The following PIK3C2G variants were observed in gnomAD, a reference collection of about 807,000 sequenced individuals.
PIK3C2G encodes the protein phosphatidylinositol-4-phosphate 3-kinase catalytic subunit type 2 gamma.
In PIK3C2G, 168 loss-of-function variants were observed where a neutral mutation model predicts 181.1. The ratio of observed to expected loss-of-function variants is 0.93; its 90% CI spans 0.82 to 1.05. PIK3C2G has a LOEUF of 1.05. Ranked by LOEUF, PIK3C2G falls within the 50% of genes least tolerant of loss-of-function variation. The probability of loss-of-function intolerance (pLI) is 0.00; values close to 1 mark genes in which losing one functional copy is unlikely to be tolerated. For synonymous variants in PIK3C2G, 573 were observed against 592.2 expected, an observed-to-expected ratio of 0.97 and a Z score of 0.47; for missense variants, 1,869 against 1,732.8, an observed-to-expected ratio of 1.08 and a Z score of -1.40.
At chr12:18,503,468 C>T in intron 23 of PIK3C2G, 51 bp downstream of exon 23, 1 of 1,310,976 alleles carries the variant, frequency 7.6e-7, no homozygotes. Context: ...TAAGAATATG[C>T]TCTGGTTCAT....
At chr12:18,283,584 A>G (rs1949315986) in intron 2 of PIK3C2G, among the ~76,000 whole-genome samples, 4 of 152,220 alleles carry the variant, frequency 2.6e-5, no homozygotes, top group Admixed American at 2.0e-4. Flanking sequence ...GAATTCAGGA[A>G]TAGCATATTG....
chr12:18,691,040 G>C, the PIK3C2G span, among the ~76,000 whole-genome samples: 1 of 152,130 alleles, frequency 6.6e-6, no homozygotes, highest in African/African-American at 2.4e-5. Context: ...AAACCATCAG[G>C]AAGCCAAAGA....
At chr12:18,645,607 G>C (rs796175921) in intron 32 of PIK3C2G, among the ~76,000 whole-genome samples, 5 of 152,174 alleles carry the variant, frequency 3.3e-5, no homozygotes, top group African/African-American at 1.2e-4. Flanking sequence ...AGAAACAACT[G>C]TTCCTTTTTG....
intron 13 of PIK3C2G, among the ~76,000 whole-genome samples, chr12:18,381,297 T>C (rs981834321): frequency 3.3e-5 from 5 of 152,158 alleles, no homozygotes; most frequent in African/African-American, 1.2e-4. Flanking sequence ...CTATGCTAAT[T>C]TAAATCTTTT....
rs1172725305 is a variant in PIK3C2G at position 18,576,736 on chromosome 12, C to T, written c.4011+9679C>T. 3.3e-5 allele frequency among the ~76,000 whole-genome samples: 5 copies of T among 152,168 alleles called. No homozygotes were observed. In the East Asian group the frequency reaches 9.6e-4, roughly 29 times the overall value. ...CCTAGAGAATCAAGGAAACTTAATT[C>T]ATCACATTGGGTTCCAAGTGATTTT... On this transcript the variant is annotated intron_variant, in intron 29 of 32. Coordinates refer to ENST00000538779, the MANE Select transcript of PIK3C2G (RefSeq NM_001288772.2).
chr12:18,459,465 T>C (rs1947804127), intron 18 of PIK3C2G, among the ~76,000 whole-genome samples: 2 of 152,180 alleles, frequency 1.3e-5, no homozygotes, highest in South Asian at 4.1e-4. Flanking sequence ...CTCAAATAAA[T>C]GTTCATGGGA....
chr12:18,294,455 A>T (rs906418823), intron 5 of PIK3C2G, among the ~76,000 whole-genome samples: 35 of 151,494 alleles, frequency 2.3e-4, no homozygotes, highest in Non-Finnish European at 4.1e-4. Flanking sequence ...TTAAATACTG[A>T]TTTTTTTTTA....
intron 13 of PIK3C2G, among the ~76,000 whole-genome samples, chr12:18,374,257 T>A (rs1419173041): frequency 6.6e-6 from 1 of 152,122 alleles, no homozygotes; most frequent in Non-Finnish European, 1.5e-5. Context: ...AATCAGGATG[T>A]TTTTCATAAT....
At chr12:18,543,131 C>T (rs1171414593) in intron 25 of PIK3C2G, among the ~76,000 whole-genome samples, 1 of 144,524 alleles carries the variant, frequency 6.9e-6, no homozygotes, top group African/African-American at 2.5e-5. Flanking sequence ...TTGCATTTCT[C>T]TAGTAATCAG....
rs74942548 is a variant in PIK3C2G at position 18,282,750 on chromosome 12, G to A, written c.669G>A (p.Lys223=). 240 of 1,587,846 alleles carry A rather than the reference G, an allele frequency of 1.5e-4. 1 individual carries two copies. The African/African-American group carries it at 2.7e-3, about 18-fold the overall frequency. Residue 223 remains lysine, a synonymous_variant, in exon 2 of 33, where the codon AAG becomes AAA. Transcript: ENST00000538779. ...QPGMWESTWQ[K]NIESIGCSIQ... ...GAATGTGGGAAAGTACATGGCAGAA[G>A]AATATAGAGGTAAGTATAATACATG...
intron 29 of PIK3C2G, 61 bp downstream of exon 29, chr12:18,567,118 G>C (rs539766974): frequency 1.2e-6 from 1 of 820,888 alleles, no homozygotes; most frequent in African/African-American, 1.8e-5. Flanking sequence ...TATTTTATTC[G>C]TGAGTGTGGT....
At chr12:18,691,442 T>C in the PIK3C2G span, among the ~76,000 whole-genome samples, 8 of 152,144 alleles carry the variant, frequency 5.3e-5, no homozygotes, top group Non-Finnish European at 7.4e-5. Context: ...TATGAATGTT[T>C]ATGTAACAGA....
chr12:18,311,917 T>A (rs1195346610), intron 5 of PIK3C2G, among the ~76,000 whole-genome samples: 1 of 152,132 alleles, frequency 6.6e-6, no homozygotes, highest in African/African-American at 2.4e-5. Flanking sequence ...GCCTTCAGTC[T>A]GTGGATGAAA....
chr12:18,413,690 T>A (rs770729680), intron 16 of PIK3C2G, among the ~76,000 whole-genome samples: 1 of 152,144 alleles, frequency 6.6e-6, no homozygotes, highest in African/African-American at 2.4e-5. Context: ...TAATATTCAC[T>A]TCAATAGTAA....
At chr12:18,495,788 C>T (rs1229556669) in intron 20 of PIK3C2G, among the ~76,000 whole-genome samples, 1 of 152,126 alleles carries the variant, frequency 6.6e-6, no homozygotes, top group Non-Finnish European at 1.5e-5. Context: ...AAACATATCA[C>T]TACTGTTCAC....
At chr12:18,602,423 A>T (rs1019890395) in intron 30 of PIK3C2G, among the ~76,000 whole-genome samples, 11 of 79,270 alleles carry the variant, frequency 1.4e-4, no homozygotes, top group African/African-American at 5.6e-4. Flanking sequence ...CCCCACCCCC[A>T]CCTGATGGTC....
At chr12:18,315,324 A>G (rs568261466) in intron 6 of PIK3C2G, among the ~76,000 whole-genome samples, 25 of 152,110 alleles carry the variant, frequency 1.6e-4, no homozygotes, top group Non-Finnish European at 3.2e-4. Context: ...AATCTCCAGG[A>G]AAAAAAATGT....
intron 1 of PIK3C2G, among the ~76,000 whole-genome samples, chr12:18,274,948 A>G (rs190094497): frequency 6.6e-6 from 1 of 152,316 alleles, no homozygotes; most frequent in African/African-American, 2.4e-5. Context: ...AAAACATGTT[A>G]TATATTTAAT....
At chr12:18,590,114 A>G (rs1486985398) in intron 29 of PIK3C2G, among the ~76,000 whole-genome samples, 1 of 140,918 alleles carries the variant, frequency 7.1e-6, no homozygotes, top group Non-Finnish European at 1.6e-5. Flanking sequence ...AGTTAAATTC[A>G]GAGTTTTTTT....
Sources: gnomAD v4.1 joint callset for allele counts (sites outside exome capture counted in the v4.1 genomes callset) on GRCh38, gnomAD v4.1.1 for gene constraint, MANE v1.5 for transcripts, NCBI Gene and HGNC (gene_info 2026-07-23, HGNC 2026-07-21) for gene names.